NDUFAF6: variants seen among roughly 807,000 people sequenced by gnomAD.
The protein encoded by NDUFAF6 is NADH:ubiquinone oxidoreductase complex assembly factor 6.
Under a neutral mutation model 40.8 loss-of-function variants are expected in NDUFAF6, and 45 were observed. The observed-to-expected ratio is 1.10, with a 90% confidence interval of 0.87 to 1.42. The LOEUF is 1.42. NDUFAF6 is among the 40% of genes most tolerant of loss of function. The probability of loss-of-function intolerance (pLI) is 0.00; values close to 1 mark genes in which losing one functional copy is unlikely to be tolerated. For missense variants in NDUFAF6, 435 were observed against 418.5 expected (o/e 1.04, Z -0.34); for synonymous variants, 185 against 155.9 (o/e 1.19, Z -1.39).
At position 94,908,179 on chromosome 8, in the gene NDUFAF6, C is replaced by T. The variant is rs551724391; in HGVS notation, c.-936+12252C>T. On this transcript the variant is annotated intron_variant, in intron 1 of 14. Coordinates refer to the NDUFAF6 transcript ENST00000396113. ...TTACACCATTGTGTGCCCAGTACCT[C>T]GCATTGTGCCTGGCCAGTGTTGGAC... is the stretch of plus-strand genomic sequence containing the variant. 3.9e-5 allele frequency among the ~76,000 whole-genome samples: 6 copies of T among 152,248 alleles called. No homozygotes were observed. The South Asian group carries it at 6.2e-4, about 16-fold the overall frequency.
chr8:95,114,178 A>AC (rs58942576), intron 4 of NDUFAF6, among the ~76,000 whole-genome samples: 7 of 150,892 alleles, frequency 4.6e-5, no homozygotes, highest in African/African-American at 1.7e-4. Context: ...AAACAAACAA[A>AC]AAATGAATGG....
At chr8:94,961,996 C>T (rs888592288) in intron 1 of NDUFAF6, among the ~76,000 whole-genome samples, 7 of 152,194 alleles carry the variant, frequency 4.6e-5, no homozygotes, top group African/African-American at 7.2e-5. Flanking sequence ...CATTCACACC[C>T]ACACTTCTCC....
At chr8:95,115,835 T>C (rs1386353956) in intron 5 of NDUFAF6, 1 of 152,228 alleles carries the variant, frequency 6.6e-6, no homozygotes, top group Non-Finnish European at 1.5e-5. Context: ...TTCAGGCAGG[T>C]GCCCTAAAAT....
chr8:95,009,654 A>C (rs1827149782), intron 2 of NDUFAF6, among the ~76,000 whole-genome samples: 2 of 152,146 alleles, frequency 1.3e-5, no homozygotes, highest in Non-Finnish European at 1.5e-5. Flanking sequence ...GCCCAGACAG[A>C]AAGTAGATTA....
intron 1 of NDUFAF6, chr8:94,930,219 C>A (rs1420761369): frequency 2.3e-6 from 1 of 442,978 alleles, no homozygotes. Context: ...TTAAAGACAC[C>A]CCCAAACACT....
At chr8:95,081,143 C>CTTTTTTTTTTTTTT (rs559573385), downstream of NDUFAF6, among the ~76,000 whole-genome samples, 2 of 57,756 alleles carry the variant, frequency 3.5e-5, no homozygotes, top group Admixed American at 2.5e-4. Context: ...AGTCCTGCAT[C>CTTTTTTTTTTTTTT]TTTTTTTTTT....
chr8:95,028,861 T>C (rs1828483870), intron 1 of NDUFAF6, among the ~76,000 whole-genome samples: 1 of 152,196 alleles, frequency 6.6e-6, no homozygotes, highest in Non-Finnish European at 1.5e-5. Flanking sequence ...TATGGCAAAA[T>C]ACAATTTAAA....
chr8:95,074,065 C>T (rs1446239406), intron 9 of NDUFAF6, among the ~76,000 whole-genome samples: 1 of 151,998 alleles, frequency 6.6e-6, no homozygotes, highest in Non-Finnish European at 1.5e-5. Flanking sequence ...TTCAAAATAA[C>T]GCAGGGAGAA....
chr8:94,905,845 C>G (rs919577138), intron 1 of NDUFAF6, among the ~76,000 whole-genome samples: 2 of 152,202 alleles, frequency 1.3e-5, no homozygotes, highest in African/African-American at 4.8e-5. Flanking sequence ...TCCTATGGCA[C>G]CTGCCCACAC....
chr8:94,927,807 G>A (rs1195344190), intron 1 of NDUFAF6: 1 of 152,322 alleles, frequency 6.6e-6, no homozygotes, highest in African/African-American at 2.4e-5. Context: ...AACATTCTAT[G>A]TTAACAGTTT....
intron 2 of NDUFAF6, among the ~76,000 whole-genome samples, chr8:95,001,717 T>C (rs1826742923): frequency 6.6e-6 from 1 of 152,206 alleles, no homozygotes; most frequent in South Asian, 2.1e-4. Flanking sequence ...AGGGCTGGGC[T>C]CTTAAACCTC....
chr8:95,039,874 C>T (rs1276426165), intron 3 of NDUFAF6, among the ~76,000 whole-genome samples: 1 of 152,238 alleles, frequency 6.6e-6, no homozygotes, highest in Non-Finnish European at 1.5e-5. Flanking sequence ...AAGTGATCCT[C>T]CTGCCTTGCC....
chr8:94,913,713 T>A (rs1400110612), intron 1 of NDUFAF6, among the ~76,000 whole-genome samples: 1 of 152,210 alleles, frequency 6.6e-6, no homozygotes, highest in Non-Finnish European at 1.5e-5. Flanking sequence ...GTGGGAAGAT[T>A]GCTTGAGCCC....
chr8:94,932,289 T>G (rs776588714), intron 1 of NDUFAF6, among the ~76,000 whole-genome samples: 43 of 152,194 alleles, frequency 2.8e-4, no homozygotes, highest in Non-Finnish European at 5.4e-4. Flanking sequence ...AAGGCTAAAA[T>G]GCAATGAAAT....
At chr8:94,912,465 A>G (rs1818843529) in intron 1 of NDUFAF6, among the ~76,000 whole-genome samples, 1 of 152,198 alleles carries the variant, frequency 6.6e-6, no homozygotes, top group Non-Finnish European at 1.5e-5. Context: ...GAAATGTACG[A>G]AGAACTAATT....
upstream of NDUFAF6, among the ~76,000 whole-genome samples, chr8:95,097,758 G>C (rs1476931719): frequency 2.0e-5 from 3 of 152,172 alleles, no homozygotes; most frequent in Non-Finnish European, 4.4e-5. Context: ...CTGTATTGGT[G>C]GCTCTTCAGT....
intron 8 of NDUFAF6, among the ~76,000 whole-genome samples, chr8:95,054,683 C>T (rs1831905711): frequency 6.6e-6 from 1 of 152,132 alleles, no homozygotes; most frequent in Non-Finnish European, 1.5e-5. Context: ...GATCCACCCG[C>T]CTTGGCCTCC....
intron 1 of NDUFAF6, among the ~76,000 whole-genome samples, chr8:95,030,445 G>T (rs980909184): frequency 6.6e-6 from 1 of 151,938 alleles, no homozygotes; most frequent in Non-Finnish European, 1.5e-5. Flanking sequence ...GTGTTGTCCA[G>T]GCTGGTCTTG....
Position 94,922,447 on chromosome 8 carries a change from T to C in NDUFAF6, c.-935-23036T>C, listed in dbSNP as rs117399465. The stretch of plus-strand genomic sequence containing the variant: ...TAGAAATGCAGAATCTCTGGCCCCA[T>C]ACACAACAGACCTACTGGATTAGAA... On this transcript the variant is annotated intron_variant, in intron 1 of 14. Transcript: ENST00000396113. Among the ~76,000 whole-genome samples the C allele has an allele frequency of 8.5e-3, 1,289 of 151,170 alleles. 10 individuals are homozygous for C. Among genetic ancestry groups the C allele is most frequent in the Middle Eastern group, 0.021 (6 of 292 alleles).
Sources: allele counts gnomAD v4.1 joint callset (sites outside exome capture counted in the v4.1 genomes callset), GRCh38; gene constraint gnomAD v4.1.1; transcripts MANE v1.5; gene names NCBI Gene and HGNC (gene_info 2026-07-23, HGNC 2026-07-21).